The following SNTG1 variants were observed in gnomAD, a reference collection of about 807,000 sequenced individuals.
SNTG1 encodes gamma-1-syntrophin.
SNTG1 carries 39 observed loss-of-function variants against 74.7 expected under a neutral mutation model. The observed-to-expected ratio is 0.52, with a 90% CI of 0.40 to 0.68. The LOEUF (loss-of-function observed/expected upper bound fraction) is 0.68. Ranked by LOEUF, SNTG1 falls within the 30% of genes least tolerant of loss-of-function variation. The pLI, the probability that SNTG1 is intolerant of heterozygous loss-of-function variation, is 0.00. For missense variants in SNTG1, 685 were observed against 609.5 expected, an observed-to-expected ratio of 1.12 and a Z score of -1.30; for synonymous variants, 254 against 217.1, an observed-to-expected ratio of 1.17 and a Z score of -1.49.
chr8:50,783,477 C>G (rs1019346704), intron 18 of SNTG1, among the ~76,000 whole-genome samples: 1 of 152,206 alleles, frequency 6.6e-6, no homozygotes, highest in African/African-American at 2.4e-5. Context: ...CAGGGAGACT[C>G]CATGGGCATG....
At chr8:50,240,177 T>C (rs1263459956) in intron 2 of SNTG1, among the ~76,000 whole-genome samples, 2 of 152,202 alleles carry the variant, frequency 1.3e-5, no homozygotes, top group Non-Finnish European at 2.9e-5. Flanking sequence ...ATATTTCCAT[T>C]TGAAGAAAGT....
At chr8:50,410,359 A>T (rs971342602) in intron 4 of SNTG1, among the ~76,000 whole-genome samples, 1 of 152,132 alleles carries the variant, frequency 6.6e-6, no homozygotes, top group Non-Finnish European at 1.5e-5. Flanking sequence ...GTACACACAC[A>T]TGCACAAAAT....
intron 4 of SNTG1, among the ~76,000 whole-genome samples, chr8:50,428,005 T>C (rs2093185341): frequency 1.3e-5 from 2 of 152,118 alleles, no homozygotes; most frequent in African/African-American, 4.8e-5. Flanking sequence ...GACATTACCA[T>C]CTAAATAAGT....
intron 12 of SNTG1, among the ~76,000 whole-genome samples, chr8:50,559,492 G>A (rs1284836113): frequency 1.3e-5 from 2 of 152,062 alleles, no homozygotes; most frequent in African/African-American, 4.8e-5. Flanking sequence ...TGAACAAATA[G>A]TAAGCATACA....
In SNTG1 at chr8:50,343,770, G is replaced by A. The variant is rs573047497; in HGVS notation, c.-27-50442G>A. ...GTGAGCCTATTAGATAAAAGCCAAA[G>A]CAATTATCTTACTGATTTTTTGAAA... On this transcript the variant is annotated intron_variant, in intron 2 of 18. Transcript: ENST00000642720. 2.6e-5 allele frequency among the ~76,000 whole-genome samples: 4 copies of A among 152,186 alleles called. No individual in the cohort carries two copies. The South Asian group carries it at 6.2e-4, about 24-fold the overall frequency.
At chr8:50,089,957 C>T (rs769404772) in intron 1 of SNTG1, among the ~76,000 whole-genome samples, 3 of 152,034 alleles carry the variant, frequency 2.0e-5, no homozygotes, top group South Asian at 2.1e-4. Flanking sequence ...CACATGCACA[C>T]GAATGTTTAT....
At chr8:50,048,676 G>A (rs555386585) in intron 1 of SNTG1, among the ~76,000 whole-genome samples, 1 of 152,210 alleles carries the variant, frequency 6.6e-6, no homozygotes, top group East Asian at 1.9e-4. Context: ...CTGTTTTGTA[G>A]AATGTCGCTC....
chr8:50,015,229 G>T (rs892819701), intron 1 of SNTG1, among the ~76,000 whole-genome samples: 1 of 152,034 alleles, frequency 6.6e-6, no homozygotes, highest in Non-Finnish European at 1.5e-5. Flanking sequence ...AAATTTTGGT[G>T]ATGTAAAGCA....
chr8:50,464,897 AT>A (rs1216594052), intron 8 of SNTG1, among the ~76,000 whole-genome samples: 1 of 151,550 alleles, frequency 6.6e-6, no homozygotes, highest in African/African-American at 2.4e-5. Flanking sequence ...AAGTCAAAAT[AT>A]TGTGAAAATT....
chr8:49,920,697 G>A (rs1029530024), intron 1 of SNTG1, among the ~76,000 whole-genome samples: 1 of 152,016 alleles, frequency 6.6e-6, no homozygotes, highest in Admixed American at 6.6e-5. Flanking sequence ...TACAAACAGA[G>A]AGGTTTTTGG....
intron 18 of SNTG1, among the ~76,000 whole-genome samples, chr8:50,761,876 G>T (rs1429456278): frequency 6.6e-6 from 1 of 151,884 alleles, no homozygotes; most frequent in Admixed American, 6.6e-5. Flanking sequence ...TGACCTTACA[G>T]ATCAATAAAA....
intron 11 of SNTG1, among the ~76,000 whole-genome samples, chr8:50,543,842 C>T (rs1273984880): frequency 6.6e-6 from 1 of 152,072 alleles, no homozygotes; most frequent in African/African-American, 2.4e-5. Flanking sequence ...ACATCTCTGC[C>T]AGCATTTAGT....
intron 2 of SNTG1, among the ~76,000 whole-genome samples, chr8:50,392,403 G>C (rs909148135): frequency 6.6e-6 from 1 of 152,152 alleles, no homozygotes; most frequent in Admixed American, 6.6e-5. Flanking sequence ...TCATTACAAA[G>C]TTACTTTCCT....
chr8:50,770,045 T>C (rs1000975208), intron 18 of SNTG1, among the ~76,000 whole-genome samples: 9 of 152,030 alleles, frequency 5.9e-5, no homozygotes, highest in Non-Finnish European at 1.3e-4. Context: ...TAGAAACCCA[T>C]AAAATAGATG....
intron 1 of SNTG1, among the ~76,000 whole-genome samples, chr8:50,026,441 A>G (rs914467845): frequency 2.0e-5 from 3 of 152,146 alleles, no homozygotes; most frequent in Admixed American, 6.6e-5. Context: ...GGCTAAAGGG[A>G]GTTGATAATG....
At chr8:50,190,758 C>T (rs766302102) in intron 2 of SNTG1, among the ~76,000 whole-genome samples, 8 of 152,190 alleles carry the variant, frequency 5.3e-5, no homozygotes, top group East Asian at 1.9e-4. Flanking sequence ...CAAGATCCTC[C>T]GCACATCACA....
Position 50,421,729 on chromosome 8 carries a change from G to A in SNTG1, c.163-16814G>A, listed in dbSNP as rs72642361. Among the ~76,000 whole-genome samples, 1,264 of 152,104 alleles carry A rather than the reference G, an allele frequency of 8.3e-3. 10 individuals carry two copies. The highest frequency in any genetic ancestry group is 0.014 in the Non-Finnish European group (939 of 68,000). The stretch of plus-strand genomic sequence containing the variant: ...ACCATAGGCTCTTGGCCCCCTAAAG[G>A]TCTGCTGAAAGATCACTGACATGAG... On this transcript the variant is annotated intron_variant, in intron 4 of 18. Transcript: ENST00000642720.
chr8:50,129,808 TTTG>T lies in SNTG1; in HGVS notation c.-102-42737_-102-42735del, dbSNP rs201877806. Among the ~76,000 whole-genome samples, 1,208 of 152,180 alleles carry T rather than the reference TTTG, an allele frequency of 7.9e-3. 13 individuals are homozygous for T. The highest frequency in any genetic ancestry group is 0.028 in the African/African-American group (1,162 of 41,530). The stretch of plus-strand genomic sequence containing the variant: ...ATACAGAGTAATTTCATTTTATTAT[TTTG>T]TTGTTGTTGTTGTTGAGGATCTTGC... On this transcript the variant is annotated intron_variant, in intron 1 of 18. Coordinates refer to ENST00000642720, the MANE Select transcript of SNTG1 (RefSeq NM_018967.5).
At chr8:50,431,286 A>T (rs1443853270) in intron 4 of SNTG1, among the ~76,000 whole-genome samples, 1 of 152,170 alleles carries the variant, frequency 6.6e-6, no homozygotes, top group East Asian at 1.9e-4. Flanking sequence ...TGGGTTTGTC[A>T]GTTGTAACAA....
Sources: gnomAD v4.1 joint callset for allele counts (sites outside exome capture counted in the v4.1 genomes callset) on GRCh38, gnomAD v4.1.1 for gene constraint, MANE v1.5 for transcripts, NCBI Gene and HGNC (gene_info 2026-07-23, HGNC 2026-07-21) for gene names.